KCNH6: variants seen among roughly 807,000 people sequenced by gnomAD.
The protein encoded by KCNH6 is voltage-gated inwardly rectifying potassium channel KCNH6.
In KCNH6, 81 loss-of-function variants were observed where a neutral mutation model predicts 83.4. The observed-to-expected ratio is 0.97, with a 90% confidence interval of 0.81 to 1.17. The LOEUF is 1.17. KCNH6 is among the 50% of genes most tolerant of loss of function. The pLI is 0.00. For synonymous variants in KCNH6, 503 were observed against 545.6 expected (o/e 0.92, Z 1.09); for missense variants, 1,203 against 1,290.5 (o/e 0.93, Z 1.04).
chr17:63,544,133 C>T (rs771064777), intron 10 of KCNH6, 116 bp from the exon 11 acceptor site: 2 of 1,602,310 alleles, frequency 1.2e-6, no homozygotes, highest in East Asian at 2.2e-5. Flanking sequence ...AGGAGAGCCA[C>T]TCCTCACACC....
intron 11 of KCNH6, 144 bp downstream of exon 11, chr17:63,544,555 T>G: frequency 1.6e-6 from 1 of 643,120 alleles, no homozygotes; most frequent in Non-Finnish European, 2.4e-6. Flanking sequence ...TTAAGCACAA[T>G]TCCCCCAATG....
rs536779679 is a variant in KCNH6, at chr17:63,537,036, C to T, written c.1501+968C>T. Among the ~76,000 whole-genome samples the T allele has an allele frequency of 2.0e-5, 3 of 151,646 alleles. No individual in the cohort carries two copies. In the South Asian group the frequency reaches 6.2e-4, roughly 32 times the overall value. ...CAAATGCAGGGCTCTTAGCATGCGG[C>T]TCCGTGTGTCCACATGGGTTGTACA... On this transcript the variant is annotated intron_variant, in intron 6 of 12. Transcript: ENST00000314672.
intron 10 of KCNH6, 154 bp from the exon 11 acceptor site, chr17:63,544,095 G>A: frequency 6.2e-7 from 1 of 1,609,728 alleles, no homozygotes; most frequent in Non-Finnish European, 8.5e-7. Flanking sequence ...CATGGGGGCA[G>A]GACCTTGTGC....
chr17:63,534,014 C>A lies in KCNH6; in HGVS notation c.804C>A (p.Ile268=). The A allele has an allele frequency of 6.2e-7, 1 of 1,614,218 alleles. No individual in the cohort carries two copies. The highest frequency in any genetic ancestry group is 2.2e-5 in the East Asian group (1 of 44,888). ...ACTGGCTCATCCTGCTGCTGGTCAT[C>A]TACACGGCTGTCTTCACGCCCTACT... The part of the protein sequence containing the change: ...VWDWLILLLV[I]YTAVFTPYSA... Residue 268 remains isoleucine, a synonymous_variant, in exon 5 of 13, where the codon ATC becomes ATA. Transcript: ENST00000314672. This position sits in a 1 kb window ranked among gnomAD's most constrained non-coding sequence, Gnocchi z 5.0.
chr17:63,530,824 A>G (rs1262087885), intron 4 of KCNH6, among the ~76,000 whole-genome samples: 7 of 152,182 alleles, frequency 4.6e-5, no homozygotes, highest in African/African-American at 1.7e-4. Context: ...TGGAGAAGCC[A>G]GGGCAGGGGA....
rs1568086101 is a variant in KCNH6 at position 63,542,261 on chromosome 17, G to T, written c.1975G>T (p.Glu659Ter). The T allele has an allele frequency of 1.2e-6, 2 of 1,613,914 alleles. No individual in the cohort carries two copies. Among genetic ancestry groups the T allele is most frequent in the Admixed American group, 1.7e-5 (1 of 60,030 alleles). ...GGCAGGAAAGAATGACATCTTTGGG[G>T]AACCCGTCAGCCTCCATGCCCAGCC... ...AILGKNDIFG[E>*]PVSLHAQPGK... The change falls in exon 9 of 13, where the codon GAA (glutamate) becomes TAA (stop). Residue 659 changes from glutamate (E) to a stop codon, truncating the protein, a stop_gained. Coordinates refer to ENST00000314672, the MANE Select transcript of KCNH6 (RefSeq NM_001278919.2). LOFTEE classifies it high-confidence loss of function.
chr17:63,538,396 C>T lies in KCNH6; in HGVS notation c.1702-14C>T, dbSNP rs754706488. On this transcript the variant is annotated splice_polypyrimidine_tract_variant and intron_variant, in intron 7 of 12. Coordinates refer to ENST00000314672, the MANE Select transcript of KCNH6 (RefSeq NM_001278919.2). This position sits in a 1 kb window ranked among gnomAD's most constrained non-coding sequence, Gnocchi z 4.0. Reference sequence around the variant, plus strand: ...CCGGCCGCGTCCCGCTGGACTTGGCCGCCCGCCTTGCAGGTGCTGAAGGGC... The same window carrying T: ...CCGGCCGCGTCCCGCTGGACTTGGCTGCCCGCCTTGCAGGTGCTGAAGGGC... 1.3e-6 allele frequency: 2 copies of T among 1,589,540 alleles called. No individual in the cohort carries two copies. Among genetic ancestry groups the T allele is most frequent in the African/African-American group, 1.3e-5 (1 of 74,374 alleles).
chr17:63,524,980 C>T (rs1414774815), intron 2 of KCNH6, among the ~76,000 whole-genome samples: 2 of 152,144 alleles, frequency 1.3e-5, no homozygotes, highest in Non-Finnish European at 2.9e-5. Context: ...GAAATCCTCC[C>T]CCACCCCCCA....
At chr17:63,537,040 G>C (rs367868626) in intron 6 of KCNH6, among the ~76,000 whole-genome samples, 1 of 150,942 alleles carries the variant, frequency 6.6e-6, no homozygotes, top group Non-Finnish European at 1.5e-5. Flanking sequence ...ATGCGGCTCC[G>C]TGTGTCCACA....
At chr17:63,526,657 G>T (rs1247011822) in intron 2 of KCNH6, among the ~76,000 whole-genome samples, 2 of 152,052 alleles carry the variant, frequency 1.3e-5, no homozygotes, top group Non-Finnish European at 2.9e-5. Context: ...TCCTCCTCGG[G>T]TCAGTACCTC....
rs1333191899 is a variant in KCNH6 at position 63,538,087 on chromosome 17, C to A, written c.1524C>A (p.Phe508Leu). 1 of 1,613,648 alleles carries A rather than the reference C, an allele frequency of 6.2e-7. No homozygotes were observed. Among genetic ancestry groups the A allele is most frequent in the Non-Finnish European group, 8.5e-7 (1 of 1,180,016 alleles). ...LIGSLMYASI[F>L]GNVSAIIQRL... ...CAGCCCTGATGTACGCCAGCATCTT[C>A]GGGAACGTGTCCGCGATCATCCAGC... The change falls in exon 7 of 13, where the codon TTC becomes TTA. Residue 508 changes from phenylalanine (F) to leucine (L), a missense_variant. Coordinates refer to ENST00000314672, the MANE Select transcript of KCNH6 (RefSeq NM_001278919.2). This position sits in a 1 kb window ranked among gnomAD's most constrained non-coding sequence, Gnocchi z 4.0.
chr17:63,535,395 G>A lies in KCNH6; in HGVS notation c.1102-274G>A, dbSNP rs572185874. Among the ~76,000 whole-genome samples the A allele has an allele frequency of 5.9e-5, 9 of 152,160 alleles. No homozygotes were observed. The highest frequency in any genetic ancestry group is 1.4e-4 in the African/African-American group (6 of 41,510). On this transcript the variant is annotated intron_variant, in intron 5 of 12. Transcript: ENST00000314672. This position sits in a 1 kb window ranked among gnomAD's most constrained non-coding sequence, Gnocchi z 4.9. ...TCCTCTCTCCAGGCTCAGCTCATGCGTCACCTCATCCATGAAGCCTCCCCT... is the reference window on the plus strand; with the variant it reads ...TCCTCTCTCCAGGCTCAGCTCATGCATCACCTCATCCATGAAGCCTCCCCT...
chr17:63,548,199 G>T (rs532552494), downstream of KCNH6, among the ~76,000 whole-genome samples: 4 of 152,260 alleles, frequency 2.6e-5, no homozygotes, highest in African/African-American at 9.6e-5. Context: ...CCAGGAGGTG[G>T]AGCTTGTAGT....
chr17:63,541,339 AGTACAGTGGT>A (rs946625682), intron 8 of KCNH6, among the ~76,000 whole-genome samples: 2 of 127,472 alleles, frequency 1.6e-5, no homozygotes, highest in African/African-American at 6.1e-5. Flanking sequence ...CCCAGGCTGG[AGTACAGTGGT>A]GTGATCTCAG....
Position 63,523,591 on chromosome 17 carries a change from A to G in KCNH6, c.76+102A>G. 9.5e-7 allele frequency: 1 copy of G among 1,049,586 alleles called. No homozygotes were observed. 65.0% of individuals were successfully genotyped at this position (1,049,586 alleles called of 1,614,324 possible). A position where few individuals can be genotyped will look rare whatever the true frequency, so the allele number is the denominator to read the frequency against. Reference sequence around the variant, plus strand: ...TAACTTCTAACCGGGCAAGGTGGTGAGTGCCGGGTGCTGAATGAAAAATCC... The same window carrying G: ...TAACTTCTAACCGGGCAAGGTGGTGGGTGCCGGGTGCTGAATGAAAAATCC... On this transcript the variant is annotated intron_variant, in intron 1 of 12. Coordinates refer to ENST00000314672, the MANE Select transcript of KCNH6 (RefSeq NM_001278919.2). This position sits in a 1 kb window ranked among gnomAD's most constrained non-coding sequence, Gnocchi z 4.2.
chr17:63,542,141 T>C, intron 8 of KCNH6, 100 bp from the exon 9 acceptor site: 1 of 1,278,646 alleles, frequency 7.8e-7, no homozygotes, highest in South Asian at 1.4e-5. Flanking sequence ...GGCCCCGGCC[T>C]AGAAGGATGT....
At chr17:63,528,023 G>A (rs1379916554) in intron 2 of KCNH6, among the ~76,000 whole-genome samples, 4 of 152,176 alleles carry the variant, frequency 2.6e-5, no homozygotes, top group Non-Finnish European at 4.4e-5. Context: ...GTGCAGCCAC[G>A]CCAAGACTGT....
At chr17:63,531,878 C>T (rs1302145930) in intron 4 of KCNH6, among the ~76,000 whole-genome samples, 1 of 152,204 alleles carries the variant, frequency 6.6e-6, no homozygotes, top group Admixed American at 6.5e-5. Context: ...TGGTGTCACT[C>T]CCCTGCTCCA....
At position 63,545,657 on chromosome 17, in the gene KCNH6, T is replaced by C. The variant is rs1322937803; in HGVS notation, c.2632T>C (p.Ser878Pro). Residue 878 changes from serine (S) to proline (P), a missense_variant, in exon 13 of 13, where the codon TCC becomes CCC. Physicochemically the swap from Ser to Pro is moderately conservative, Grantham distance 74. Coordinates refer to ENST00000314672, the MANE Select transcript of KCNH6 (RefSeq NM_001278919.2). ...TGACTGTAGTCCAAAGCACAGGAAC[T>C]CCTCCCCCAGGATGCCTCACCTGGC... Reference protein sequence around the residue: ...LDDCSPKHRNSSPRMPHLAVA... With the variant: ...LDDCSPKHRNPSPRMPHLAVA... The C allele has an allele frequency of 6.2e-7, 1 of 1,613,612 alleles. No individual in the cohort carries two copies. Among genetic ancestry groups the C allele is most frequent in the Non-Finnish European group, 8.5e-7 (1 of 1,179,958 alleles).
Sources: allele counts gnomAD v4.1 joint callset (sites outside exome capture counted in the v4.1 genomes callset), GRCh38; gene constraint gnomAD v4.1.1; non-coding constraint Gnocchi (gnomAD v3.1); transcripts MANE v1.5; gene names NCBI Gene and HGNC (gene_info 2026-07-23, HGNC 2026-07-21).